The following TRIP11 variants were observed in gnomAD, a reference collection of about 807,000 sequenced individuals.
TRIP11 encodes the protein thyroid receptor-interacting protein 11.
TRIP11 carries 148 observed loss-of-function variants against 223.1 expected under a neutral mutation model. The ratio of observed to expected loss-of-function variants is 0.66; its 90% CI spans 0.58 to 0.76. The LOEUF (loss-of-function observed/expected upper bound fraction) is 0.76, where lower values mean the gene tolerates loss of function less well. TRIP11 is among the 30% of genes least tolerant of loss of function. The pLI, the probability that TRIP11 is intolerant of heterozygous loss-of-function variation, is 0.00. For synonymous variants in TRIP11, 762 were observed against 772.6 expected, an observed-to-expected ratio of 0.99 and a Z score of 0.23; for missense variants, 2,043 against 2,222.0, an observed-to-expected ratio of 0.92 and a Z score of 1.62.
intron 15 of TRIP11, among the ~76,000 whole-genome samples, chr14:91,992,908 CAAAAAAAAAAAAAAAAAAA>C (rs550702989): frequency 1.0e-4 from 3 of 29,234 alleles, no homozygotes; most frequent in Non-Finnish European, 1.5e-4. Context: ...GACTCCGTCT[CAAAAAAAAAAAAAAAAAAA>C]AAAAAAAAAA....
rs1301603833 is a variant in TRIP11 at position 92,003,970 on chromosome 14, C to T, written c.4006G>A (p.Glu1336Lys). Residue 1336 changes from glutamate to lysine, a missense_variant, in exon 11 of 21, where the codon GAA (glutamate) becomes AAA (lysine). Coordinates refer to ENST00000267622, the MANE Select transcript of TRIP11 (RefSeq NM_004239.4). ...SAECLRASKS[E>K]VLSESSELLQ... The stretch of plus-strand genomic sequence containing the variant: ...AATTCAGAAGATTCACTCAATACTT[C>T]AGACTTACTTGCTCTAAGACACTCT... The T allele has an allele frequency of 4.3e-6, 7 of 1,614,188 alleles. No individual in the cohort carries two copies. Among genetic ancestry groups the T allele is most frequent in the Admixed American group, 1.7e-5 (1 of 60,024 alleles).
chr14:91,988,299 C>G lies in TRIP11; in HGVS notation c.5245G>C (p.Glu1749Gln). Residue 1749 changes from glutamate to glutamine, a missense_variant, in exon 16 of 21, where the codon GAA (glutamate) becomes CAA (glutamine). By Grantham distance (29) the Glu-to-Gln change is conservative (BLOSUM62 2). Transcript: ENST00000267622. The stretch of plus-strand genomic sequence containing the variant: ...AAAAACCTACTTTGTCTTTTAAGTT[C>G]TTCAATTTGTTCTTCTTTTACATCT... Reference protein sequence around the residue: ...QLDVKEEQIEELKRQNELRQE... With the variant: ...QLDVKEEQIEQLKRQNELRQE... 2 of 1,612,122 alleles carry G rather than the reference C, an allele frequency of 1.2e-6. No individual in the cohort carries two copies. Among genetic ancestry groups the G allele is most frequent in the South Asian group, 2.2e-5 (2 of 90,926 alleles).
chr14:92,024,961 G>A (rs1030012235), intron 3 of TRIP11, among the ~76,000 whole-genome samples: 1 of 151,946 alleles, frequency 6.6e-6, no homozygotes, highest in African/African-American at 2.4e-5. Flanking sequence ...GTTTTTCCAT[G>A]GAAAATCAAG....
chr14:91,990,875 T>G (rs578052774), intron 15 of TRIP11, among the ~76,000 whole-genome samples: 15 of 152,220 alleles, frequency 9.9e-5, no homozygotes, highest in Non-Finnish European at 1.9e-4. Flanking sequence ...ATACTCTGGA[T>G]CCACTAGAAA....
At chr14:91,982,827 A>G (rs1411091444) in intron 16 of TRIP11, among the ~76,000 whole-genome samples, 3 of 152,148 alleles carry the variant, frequency 2.0e-5, no homozygotes, top group African/African-American at 7.2e-5. Flanking sequence ...TCATAGCCTC[A>G]GTTTACAATT....
intron 16 of TRIP11, among the ~76,000 whole-genome samples, chr14:91,982,184 C>T (rs1566846701): frequency 6.6e-6 from 1 of 152,008 alleles, no homozygotes; most frequent in Non-Finnish European, 1.5e-5. Flanking sequence ...TTAATATAAC[C>T]AAATCAAATT....
intron 2 of TRIP11, among the ~76,000 whole-genome samples, chr14:92,029,755 T>G (rs752238743): frequency 1.1e-3 from 169 of 152,314 alleles, no homozygotes; most frequent in South Asian, 2.1e-3. Context: ...AGGAAAACAT[T>G]CACAATTATT....
Position 91,978,034 on chromosome 14 carries a change from AGGGAGAGAGAGAAG to A in TRIP11, c.5261-1859_5261-1846del, listed in dbSNP as rs1439396292. ...TAAGGAATTTAAACTTGGACGAGAG[AGGGAGAGAGAGAAG>A]GGGAGAGAGAGGGCGAAAAGGTGGG... is the stretch of plus-strand genomic sequence containing the variant. On this transcript the variant is annotated intron_variant, in intron 16 of 20. Coordinates refer to ENST00000267622, the MANE Select transcript of TRIP11 (RefSeq NM_004239.4). This position sits in a 1 kb window ranked among gnomAD's most constrained non-coding sequence, Gnocchi z 4.4. 1.3e-5 allele frequency among the ~76,000 whole-genome samples: 2 copies of A among 152,002 alleles called. No individual in the cohort carries two copies. The highest frequency in any genetic ancestry group is 4.8e-5 in the African/African-American group (2 of 41,384).
chr14:92,019,779 A>T (rs901729424), intron 4 of TRIP11, among the ~76,000 whole-genome samples: 3 of 152,326 alleles, frequency 2.0e-5, no homozygotes, highest in Admixed American at 1.3e-4. Flanking sequence ...TGATGCCACA[A>T]GTGGAAAATT....
chr14:92,019,453 A>G (rs1004794875), intron 4 of TRIP11, among the ~76,000 whole-genome samples: 5 of 152,224 alleles, frequency 3.3e-5, no homozygotes, highest in African/African-American at 1.2e-4. Context: ...TGGAGATAAG[A>G]TGGACAAACA....
rs1475167663 is a variant in TRIP11 at position 92,014,092 on chromosome 14, C to G, written c.1186+123G>C. Reference sequence around the variant, plus strand: ...AAACCACACAATTCTACCCAAATGACACACAGTCATTTCCAGGAATATGCC... The same window carrying G: ...AAACCACACAATTCTACCCAAATGAGACACAGTCATTTCCAGGAATATGCC... On this transcript the variant is annotated intron_variant, in intron 7 of 20. Coordinates refer to ENST00000267622, the MANE Select transcript of TRIP11 (RefSeq NM_004239.4). 10 of 1,357,820 alleles carry G rather than the reference C, an allele frequency of 7.4e-6. 1 individual carries two copies. In the Admixed American group the frequency reaches 1.8e-4, roughly 24 times the overall value. 84.1% of individuals were successfully genotyped at this position (1,357,820 alleles called of 1,614,324 possible).
Position 91,968,831 on chromosome 14 carries a change from A to G in TRIP11, c.*842T>C, listed in dbSNP as rs1337005785. 8.6e-6 allele frequency: 2 copies of G among 233,032 alleles called. No homozygotes were observed. The highest frequency in any genetic ancestry group is 1.2e-4 in the East Asian group (2 of 16,452). 14.4% of individuals were successfully genotyped at this position (233,032 alleles called of 1,614,324 possible). A position where few individuals can be genotyped will look rare whatever the true frequency, so the allele number is the denominator to read the frequency against. ...AAAATGACTGAGATGGAGAACAGTA[A>G]GTGGTTGTCAGGGATTAAGGAGAGG... On this transcript the variant is annotated 3_prime_UTR_variant, in exon 21 of 21. Transcript: ENST00000267622.
intron 2 of TRIP11, among the ~76,000 whole-genome samples, chr14:92,032,769 G>C (rs959241933): frequency 1.3e-5 from 2 of 151,100 alleles, no homozygotes; most frequent in African/African-American, 4.9e-5. Flanking sequence ...GGAGGTGGAG[G>C]TTGTAGTGAG....
chr14:92,035,534 T>TAA (rs201413901), intron 1 of TRIP11, among the ~76,000 whole-genome samples: 3 of 144,528 alleles, frequency 2.1e-5, no homozygotes, highest in Admixed American at 6.9e-5. Context: ...TAATGAGCTT[T>TAA]AAAAAAAAAA....
chr14:92,026,936 T>G, intron 2 of TRIP11: 1 of 1,207,406 alleles, frequency 8.3e-7, no homozygotes, highest in Non-Finnish European at 1.2e-6. Context: ...CCGCGACCTA[T>G]TCACCCTCCA....
intron 13 of TRIP11, 118 bp from the exon 14 acceptor site, chr14:91,995,633 T>A: frequency 1.2e-6 from 1 of 844,626 alleles, no homozygotes; most frequent in Non-Finnish European, 1.7e-6. Context: ...TTTTTTTTTT[T>A]GAGACAGAGT....
chr14:92,034,310 C>T lies in TRIP11; in HGVS notation c.140-1057G>A, dbSNP rs548802033. ...TGGTGGCACACGCCTGTAATCCCAG[C>T]TACTCAGGAGGCTGAGGCAGGAGAA... is the stretch of plus-strand genomic sequence containing the variant. On this transcript the variant is annotated intron_variant, in intron 1 of 20. Transcript: ENST00000267622. Among the ~76,000 whole-genome samples, 4 of 152,160 alleles carry T rather than the reference C, an allele frequency of 2.6e-5. No individual in the cohort carries two copies. In the South Asian group the frequency reaches 8.3e-4, roughly 32 times the overall value.
chr14:91,983,629 G>C (rs1435060876), intron 16 of TRIP11, among the ~76,000 whole-genome samples: 1 of 152,128 alleles, frequency 6.6e-6, no homozygotes, highest in East Asian at 1.9e-4. Flanking sequence ...GCATTGTCTA[G>C]TATACCCAGA....
chr14:91,979,115 G>A (rs893471878), intron 16 of TRIP11, among the ~76,000 whole-genome samples: 29 of 152,098 alleles, frequency 1.9e-4, no homozygotes, highest in African/African-American at 6.8e-4. Flanking sequence ...AAATTAGTCG[G>A]GTGTGGCGGC....
Sources: allele counts gnomAD v4.1 joint callset (sites outside exome capture counted in the v4.1 genomes callset), GRCh38; gene constraint gnomAD v4.1.1; non-coding constraint Gnocchi (gnomAD v3.1); transcripts MANE v1.5; gene names NCBI Gene and HGNC (gene_info 2026-07-23, HGNC 2026-07-21).